The following ANKZF1 variants were observed in gnomAD, a reference collection of about 807,000 sequenced individuals.
The protein encoded by ANKZF1 is tRNA endonuclease ANKZF1.
ANKZF1 carries 84 observed loss-of-function variants against 86.0 expected under a neutral mutation model. The ratio of observed to expected loss-of-function variants is 0.98; its 90% confidence interval spans 0.82 to 1.17. The LOEUF (loss-of-function observed/expected upper bound fraction) is 1.17, where lower values mean the gene tolerates loss of function less well. Ranked by LOEUF, ANKZF1 falls within the 50% of genes most tolerant of loss-of-function variation. The pLI is 0.00. For synonymous variants in ANKZF1, 331 were observed against 354.2 expected (o/e 0.93, Z 0.74); for missense variants, 893 against 918.4 (o/e 0.97, Z 0.36).
rs1209528948 is a variant in ANKZF1, at chr2:219,232,005, A to G, written c.226A>G (p.Thr76Ala). The change falls in exon 3 of 14, where the codon ACT (threonine) becomes GCT (alanine). Residue 76 changes from threonine (T) to alanine (A), a missense_variant. Thr to Ala is a moderately conservative substitution (Grantham distance 58, BLOSUM62 0). Transcript: ENST00000323348. Reference protein sequence around the residue: ...MDISEKLFCSTCDQTFQNHQE... With the variant: ...MDISEKLFCSACDQTFQNHQE... ...TATTTCAGAGAAGTTATTTTGTTCA[A>G]CTTGTGACCAGACCTTCCAGAACCA... 1.2e-6 allele frequency: 2 copies of G among 1,611,952 alleles called. No individual in the cohort carries two copies. Among genetic ancestry groups the G allele is most frequent in the African/African-American group, 1.3e-5 (1 of 74,586 alleles).
Position 219,233,197 on chromosome 2 carries a change from A to T in ANKZF1, c.671+6A>T, listed in dbSNP as rs771553901. 2 of 1,614,230 alleles carry T rather than the reference A, an allele frequency of 1.2e-6. No homozygotes were observed. Among genetic ancestry groups the T allele is most frequent in the Non-Finnish European group, 1.7e-6 (2 of 1,180,034 alleles). ...GCTGGTGCTATATTTCAAGGGTGAG[A>T]GGGTGCTGCATGGGGGTAAGGATGG... On this transcript the variant is annotated splice_donor_region_variant and intron_variant, in intron 6 of 13. Coordinates refer to ENST00000323348, the MANE Select transcript of ANKZF1 (RefSeq NM_018089.3).
intron 9 of ANKZF1, 200 bp downstream of exon 9, chr2:219,234,488 A>AAAAT: frequency 1.3e-6 from 1 of 745,458 alleles, no homozygotes; most frequent in South Asian, 1.8e-5. Context: ...CAGAGCTAAG[A>AAAAT]AAATCTTTGT....
chr2:219,230,463 T>A, intron 2 of ANKZF1, 58 bp downstream of exon 2: 1 of 1,532,362 alleles, frequency 6.5e-7, no homozygotes, highest in Non-Finnish European at 8.8e-7. Context: ...TATTGCCCGT[T>A]CAGGGAACAC....
chr2:219,231,963 C>T lies in ANKZF1; in HGVS notation c.184C>T (p.Leu62Phe). 6.2e-7 allele frequency: 1 copy of T among 1,614,084 alleles called. No homozygotes were observed. The change falls in exon 3 of 14, where the codon CTC becomes TTC. Residue 62 changes from leucine (L) to phenylalanine (F), a missense_variant. Coordinates refer to ENST00000323348, the MANE Select transcript of ANKZF1 (RefSeq NM_018089.3). ...GAGAGAAAGCCCAGAAAGAAAGCTA[C>T]TCCAGGGTCCTATGGATATTTCAGA... The part of the protein sequence containing the change: ...GERESPERKL[L>F]QGPMDISEKL...
At position 219,231,950 on chromosome 2, in the gene ANKZF1, A is replaced by G. The variant is rs753819852; in HGVS notation, c.171A>G (p.Pro57=). ...TAGGCTCAGGGGAGAGAGAAAGCCC[A>G]GAAAGAAAGCTACTCCAGGGTCCTA... ...SCSGSGERES[P]ERKLLQGPMD... Residue 57 remains proline (P), a synonymous_variant, in exon 3 of 14, where the codon CCA becomes CCG. Coordinates refer to ENST00000323348, the MANE Select transcript of ANKZF1 (RefSeq NM_018089.3). 1 of 1,614,054 alleles carries G rather than the reference A, an allele frequency of 6.2e-7. No individual in the cohort carries two copies.
Position 219,232,550 on chromosome 2 carries a change from A to C in ANKZF1, c.425A>C (p.Gln142Pro). The C allele has an allele frequency of 6.2e-7, 1 of 1,614,244 alleles. No homozygotes were observed. Among genetic ancestry groups the C allele is most frequent in the Non-Finnish European group, 8.5e-7 (1 of 1,180,044 alleles). ...GACTCAGCCAGTGAGGAGGACTTGC[A>C]GACACTGGATCGGGAGAGGGCTACA... Reference protein sequence around the residue: ...DSDSASEEDLQTLDRERATFE... With the variant: ...DSDSASEEDLPTLDRERATFE... Residue 142 changes from glutamine (Q) to proline (P), a missense_variant, in exon 5 of 14, where the codon CAG (glutamine) becomes CCG (proline). Transcript: ENST00000323348.
rs1305606611 is a variant in ANKZF1 at position 219,236,583 on chromosome 2, A to C, written c.*138A>C. The C allele has an allele frequency of 8.6e-7, 1 of 1,168,256 alleles. No homozygotes were observed. The highest frequency in any genetic ancestry group is 1.2e-6 in the Non-Finnish European group (1 of 841,744). 72.4% of individuals were successfully genotyped at this position (1,168,256 alleles called of 1,614,324 possible). On this transcript the variant is annotated 3_prime_UTR_variant, in exon 14 of 14. Transcript: ENST00000323348. ...AGGACACTCGGGAACTAGGGCAAAG[A>C]CAGGGCTAGAGGTATGTGGAGCTGG... is the stretch of plus-strand genomic sequence containing the variant.
intron 9 of ANKZF1, 162 bp downstream of exon 9, chr2:219,234,450 A>G: frequency 2.1e-6 from 2 of 938,060 alleles, no homozygotes; most frequent in South Asian, 1.5e-5. Flanking sequence ...TTCCAAATCT[A>G]TTATCTCTTT....
At chr2:219,234,656 G>A in intron 9 of ANKZF1, 170 bp from the exon 10 acceptor site, 2 of 898,212 alleles carry the variant, frequency 2.2e-6, no homozygotes, top group African/African-American at 1.7e-5. Flanking sequence ...TCTTGTCTGG[G>A]CTGAGAGCCT....
Position 219,236,377 on chromosome 2 carries a change from G to A in ANKZF1, c.2113G>A (p.Asp705Asn), listed in dbSNP as rs1334953246. The change falls in exon 14 of 14, where the codon GAC (aspartate) becomes AAC (asparagine). Residue 705 changes from aspartate to asparagine, a missense_variant. Asp to Asn is a conservative substitution (Grantham distance 23). Coordinates refer to ENST00000323348, the MANE Select transcript of ANKZF1 (RefSeq NM_018089.3). ...AGGCCTGACTCCCTTTCACTACCTCGACTTCTCTTTCTGCTCCACACGTTG... is the reference window on the plus strand; with the variant it reads ...AGGCCTGACTCCCTTTCACTACCTCAACTTCTCTTTCTGCTCCACACGTTG... ...LQGLTPFHYLDFSFCSTRCLQ... is the reference protein window; with the variant it reads ...LQGLTPFHYLNFSFCSTRCLQ... 8 of 1,613,882 alleles carry A rather than the reference G, an allele frequency of 5.0e-6. No individual in the cohort carries two copies. Among genetic ancestry groups the A allele is most frequent in the Non-Finnish European group, 6.8e-6 (8 of 1,179,992 alleles).
Position 219,229,977 on chromosome 2 carries a change from C to G in ANKZF1, c.-31+77C>G. 3.1e-6 allele frequency: 1 copy of G among 326,582 alleles called. No individual in the cohort carries two copies. The highest frequency in any genetic ancestry group is 5.5e-5 in the East Asian group (1 of 18,184). The allele number at this position is 326,582 out of a possible 1,614,324, so 20.2% of individuals were successfully genotyped here. A position where few individuals can be genotyped will look rare whatever the true frequency, so the allele number is the denominator to read the frequency against. On this transcript the variant is annotated intron_variant, in intron 1 of 13. Transcript: ENST00000323348. The surrounding 1 kb of genome is among the most constrained non-coding windows in gnomAD (Gnocchi z 4.2). Reference sequence around the variant, plus strand: ...CGCATGGGTAACGAAGAAAGTTCGGCTAGGCAAGCTCAGTGATTTTTAACT... The same window carrying G: ...CGCATGGGTAACGAAGAAAGTTCGGGTAGGCAAGCTCAGTGATTTTTAACT...
chr2:219,230,169 G>A, intron 1 of ANKZF1, 59 bp from the exon 2 acceptor site: 1 of 1,467,786 alleles, frequency 6.8e-7, no homozygotes, highest in Non-Finnish European at 9.2e-7. Flanking sequence ...GCAGGCAGGA[G>A]ACGCAGCAGT....
chr2:219,232,945 T>C (rs1951085709), intron 5 of ANKZF1, 134 bp from the exon 6 acceptor site: 1 of 961,276 alleles, frequency 1.0e-6, no homozygotes, highest in South Asian at 1.5e-5. Context: ...AGCCTCAAAT[T>C]TCCTTGTTTG....
Position 219,236,103 on chromosome 2 carries a change from G to C in ANKZF1, c.2057+8G>C. 6.2e-7 allele frequency: 1 copy of C among 1,614,210 alleles called. No individual in the cohort carries two copies. The highest frequency in any genetic ancestry group is 1.1e-5 in the South Asian group (1 of 91,086). On this transcript the variant is annotated splice_region_variant and intron_variant, in intron 13 of 13. Transcript: ENST00000323348. ...TGCAATCGTCAATACTCGGTATGGG[G>C]TGCGGGATGAGGGAGTGGGTGGACT...
Position 219,235,111 on chromosome 2 carries a change from C to T in ANKZF1, c.1490C>T (p.Ala497Val), listed in dbSNP as rs756869180. The T allele has an allele frequency of 1.2e-6, 2 of 1,614,234 alleles. No individual in the cohort carries two copies. Among genetic ancestry groups the T allele is most frequent in the Non-Finnish European group, 1.7e-6 (2 of 1,180,052 alleles). The stretch of plus-strand genomic sequence containing the variant: ...CCTGGTCAGCCAGAGCTCTGGAATG[C>T]ACTGCTTGCTGCTTGCCGAGCTGGA... ...KAPGQPELWN[A>V]LLAACRAGDV... Residue 497 changes from alanine to valine, a missense_variant, in exon 10 of 14, where the codon GCA (alanine) becomes GTA (valine). Ala to Val is a moderately conservative substitution (Grantham distance 64). Coordinates refer to ENST00000323348, the MANE Select transcript of ANKZF1 (RefSeq NM_018089.3).
Position 219,229,903 on chromosome 2 carries a change from G to A in ANKZF1, c.-31+3G>A, listed in dbSNP as rs1258167423. 1 of 199,512 alleles carries A rather than the reference G, an allele frequency of 5.0e-6. No homozygotes were observed. Among genetic ancestry groups the A allele is most frequent in the African/African-American group, 2.3e-5 (1 of 42,750 alleles). The allele number at this position is 199,512 out of a possible 1,614,324, so 12.4% of individuals were successfully genotyped here. A position where few individuals can be genotyped will look rare whatever the true frequency, so the allele number is the denominator to read the frequency against. ...CCGCTCAGCTCCCGGGACGTTTGGT[G>A]CGTCTTCTAAGGGCGTGGGCGAGTT... On this transcript the variant is annotated splice_donor_region_variant and intron_variant, in intron 1 of 13. Transcript: ENST00000323348. The surrounding 1 kb of genome is among the most constrained non-coding windows in gnomAD (Gnocchi z 4.2).
At position 219,235,051 on chromosome 2, in the gene ANKZF1, C is replaced by G. The variant is rs1262413841; in HGVS notation, c.1430C>G (p.Ala477Gly). ...PSTQSSQAVA[A>G]PLGPLLDEAK... ...ACACAGTCATCCCAGGCAGTTGCTG[C>G]CCCCTTGGGCCCTTTGCTGGATGAG... The change falls in exon 10 of 14, where the codon GCC (alanine) becomes GGC (glycine). Residue 477 changes from alanine (A) to glycine (G), a missense_variant. Coordinates refer to ENST00000323348, the MANE Select transcript of ANKZF1 (RefSeq NM_018089.3). 3 of 1,614,136 alleles carry G rather than the reference C, an allele frequency of 1.9e-6. No individual in the cohort carries two copies. In the African/African-American group the frequency reaches 4.0e-5, roughly 22 times the overall value.
rs1950989202 is a variant in ANKZF1, at chr2:219,230,256, C to CTAAAT, written c.-2_-1insTAAAT. On this transcript the variant is annotated 5_prime_UTR_variant, in exon 2 of 14. Transcript: ENST00000323348. ...CTGCTGCTAAATAATTTCTGCTCAGCCATGTCGCCGGCTCCAGATGCAGCC... is the reference window on the plus strand; with the variant it reads ...CTGCTGCTAAATAATTTCTGCTCAGCTAAATCATGTCGCCGGCTCCAGATGCAGCC... 6.2e-7 allele frequency: 1 copy of CTAAAT among 1,612,736 alleles called. No homozygotes were observed. Among genetic ancestry groups the CTAAAT allele is most frequent in the Non-Finnish European group, 8.5e-7 (1 of 1,179,138 alleles).
rs951607894 is a variant in ANKZF1 at position 219,236,096 on chromosome 2, G to A, written c.2057+1G>A. Reference sequence around the variant, plus strand: ...CTGACTCTGCAATCGTCAATACTCGGTATGGGGTGCGGGATGAGGGAGTGG... The same window carrying A: ...CTGACTCTGCAATCGTCAATACTCGATATGGGGTGCGGGATGAGGGAGTGG... On this transcript the variant is annotated splice_donor_variant, in intron 13 of 13. Coordinates refer to ENST00000323348, the MANE Select transcript of ANKZF1 (RefSeq NM_018089.3). LOFTEE classifies it high-confidence loss of function. 2.5e-6 allele frequency: 4 copies of A among 1,614,192 alleles called. No homozygotes were observed. The highest frequency in any genetic ancestry group is 3.4e-6 in the Non-Finnish European group (4 of 1,180,034).
Sources: allele counts gnomAD v4.1 joint callset, GRCh38; gene constraint gnomAD v4.1.1; non-coding constraint Gnocchi (gnomAD v3.1); transcripts MANE v1.5; gene names NCBI Gene and HGNC (gene_info 2026-07-23, HGNC 2026-07-21).